Variants in OPCML observed in about 807,000 individuals in gnomAD.
OPCML encodes the protein opioid-binding protein/cell adhesion molecule.
In OPCML, 13 loss-of-function variants were observed where a neutral mutation model predicts 37.8. The ratio of observed to expected loss-of-function variants is 0.34; its 90% CI spans 0.22 to 0.55. The LOEUF is 0.55. OPCML is among the 20% of genes least tolerant of loss of function. The probability of loss-of-function intolerance (pLI) is 0.91; values close to 1 mark genes in which losing one functional copy is unlikely to be tolerated. For synonymous variants in OPCML, 176 were observed against 168.8 expected, an observed-to-expected ratio of 1.04 and a Z score of -0.33; for missense variants, 341 against 435.6, an observed-to-expected ratio of 0.78 and a Z score of 1.93.
At chr11:132,864,307 G>A (rs1263091581) in intron 2 of OPCML, among the ~76,000 whole-genome samples, 1 of 152,110 alleles carries the variant, frequency 6.6e-6, no homozygotes, top group Non-Finnish European at 1.5e-5. Flanking sequence ...CAATTAATCT[G>A]CCTTTTGTGA....
intron 1 of OPCML, among the ~76,000 whole-genome samples, chr11:133,079,004 G>A (rs1948668147): frequency 6.6e-6 from 1 of 152,068 alleles, no homozygotes; most frequent in Non-Finnish European, 1.5e-5. Context: ...GATGTGCCAC[G>A]TTAGTTCTCC....
intron 2 of OPCML, among the ~76,000 whole-genome samples, chr11:132,708,952 T>C (rs1265592231): frequency 2.0e-5 from 3 of 152,326 alleles, no homozygotes; most frequent in East Asian, 3.9e-4. Context: ...CCTCAGTCCC[T>C]TGTCTCAAGT....
intron 1 of OPCML, among the ~76,000 whole-genome samples, chr11:133,445,376 G>A (rs1946453439): frequency 6.6e-6 from 1 of 152,192 alleles, no homozygotes. Context: ...TTAAACTCAG[G>A]CAGACCTGCT....
intron 3 of OPCML, among the ~76,000 whole-genome samples, chr11:132,582,559 G>T (rs1253770947): frequency 1.3e-5 from 2 of 152,084 alleles, no homozygotes; most frequent in African/African-American, 4.8e-5. Flanking sequence ...AGGCTAATTG[G>T]ACTCCTGGAA....
At chr11:132,690,429 A>G (rs1012599139) in intron 2 of OPCML, among the ~76,000 whole-genome samples, 16 of 152,330 alleles carry the variant, frequency 1.1e-4, no homozygotes, top group African/African-American at 3.6e-4. Context: ...GAAGACCACA[A>G]TGCATTATCA....
chr11:132,641,712 C>T lies in OPCML; in HGVS notation c.379+15375G>A, dbSNP rs190399481. 2.8e-4 allele frequency among the ~76,000 whole-genome samples: 42 copies of T among 152,288 alleles called. 1 individual carries two copies. Among genetic ancestry groups the T allele is most frequent in the Middle Eastern group, 3.4e-3 (1 of 294 alleles). ...TCCACTTGCTTTCCTGCTGTGGGGACATTTTGCCTCTATGTGTGATAAATT... is the reference window on the plus strand; with the variant it reads ...TCCACTTGCTTTCCTGCTGTGGGGATATTTTGCCTCTATGTGTGATAAATT... On this transcript the variant is annotated intron_variant, in intron 3 of 7. Transcript: ENST00000524381.
At chr11:132,916,272 A>G (rs1944599715) in intron 2 of OPCML, among the ~76,000 whole-genome samples, 1 of 152,130 alleles carries the variant, frequency 6.6e-6, no homozygotes, top group Non-Finnish European at 1.5e-5. Flanking sequence ...ACACTAAGAG[A>G]GACTCCCTCT....
chr11:132,585,529 T>C (rs912415376), intron 3 of OPCML, among the ~76,000 whole-genome samples: 1 of 152,184 alleles, frequency 6.6e-6, no homozygotes, highest in Non-Finnish European at 1.5e-5. Context: ...GTGCATAAGC[T>C]GAGTCCAAAA....
intron 2 of OPCML, among the ~76,000 whole-genome samples, chr11:132,799,101 C>T (rs1591626987): frequency 2.0e-5 from 3 of 152,324 alleles, no homozygotes; most frequent in East Asian, 3.9e-4. Flanking sequence ...TAGCCCCTAA[C>T]AAGAGAGTCA....
chr11:132,579,662 A>C (rs944495214), intron 3 of OPCML, among the ~76,000 whole-genome samples: 3 of 152,114 alleles, frequency 2.0e-5, no homozygotes, highest in African/African-American at 7.2e-5. Context: ...TCATCCCATT[A>C]AGAGCTTTTG....
At chr11:132,608,361 C>A (rs1319745642) in intron 3 of OPCML, among the ~76,000 whole-genome samples, 3 of 152,190 alleles carry the variant, frequency 2.0e-5, no homozygotes, top group Non-Finnish European at 4.4e-5. Flanking sequence ...TTTTATCATT[C>A]TGACCAGTCC....
At chr11:133,458,463 T>C (rs1946753042) in intron 1 of OPCML, among the ~76,000 whole-genome samples, 1 of 129,874 alleles carries the variant, frequency 7.7e-6, no homozygotes, top group Non-Finnish European at 1.6e-5. Context: ...TATACACATA[T>C]ATACACGTGT....
At chr11:133,031,133 G>T (rs76649986) in intron 1 of OPCML, among the ~76,000 whole-genome samples, 15,789 of 152,092 alleles carry the variant, frequency 0.1, 1,290 homozygotes, top group East Asian at 0.3. Flanking sequence ...TAGTGTGTGC[G>T]CAAAAAGTAC....
intron 2 of OPCML, among the ~76,000 whole-genome samples, chr11:132,900,719 A>G (rs1721979781): frequency 6.6e-6 from 1 of 152,084 alleles, no homozygotes; most frequent in South Asian, 2.1e-4. Context: ...CTTCTCTATG[A>G]AACCCTCCCT....
At chr11:132,885,474 C>T (rs1160567005) in intron 2 of OPCML, among the ~76,000 whole-genome samples, 3 of 152,304 alleles carry the variant, frequency 2.0e-5, no homozygotes, top group Non-Finnish European at 2.9e-5. Flanking sequence ...TCACCTACTT[C>T]ACATGACATC....
chr11:133,287,259 TTTTC>T (rs200677578), intron 1 of OPCML, among the ~76,000 whole-genome samples: 16 of 132,472 alleles, frequency 1.2e-4, no homozygotes, highest in South Asian at 2.3e-4. Context: ...TTTTAATTCT[TTTTC>T]TTTCTTTCTT....
At chr11:133,137,815 A>G (rs1949713731) in intron 1 of OPCML, among the ~76,000 whole-genome samples, 1 of 152,192 alleles carries the variant, frequency 6.6e-6, no homozygotes, top group South Asian at 2.1e-4. Flanking sequence ...TGCACTTCCT[A>G]GCAACATCAG....
At chr11:132,813,580 T>C (rs1313642186) in intron 2 of OPCML, among the ~76,000 whole-genome samples, 2 of 152,188 alleles carry the variant, frequency 1.3e-5, no homozygotes, top group African/African-American at 2.4e-5. Context: ...ATCTCACTCT[T>C]AGCTGACTTC....
intron 2 of OPCML, among the ~76,000 whole-genome samples, chr11:132,718,391 T>C (rs147651909): frequency 6.6e-6 from 1 of 152,258 alleles, no homozygotes; most frequent in Admixed American, 6.5e-5. Flanking sequence ...ATAAACCACA[T>C]TACAAGTCTT....
Sources: gnomAD v4.1 joint callset for allele counts (sites outside exome capture counted in the v4.1 genomes callset) on GRCh38, gnomAD v4.1.1 for gene constraint, MANE v1.5 for transcripts, NCBI Gene and HGNC (gene_info 2026-07-23, HGNC 2026-07-21) for gene names.